The following GRIK2 variants were observed in gnomAD, a reference collection of about 807,000 sequenced individuals.
The protein encoded by GRIK2 is glutamate receptor ionotropic, kainate 2.
GRIK2 carries 32 observed loss-of-function variants against 100.3 expected under a neutral mutation model. The observed-to-expected ratio is 0.32, with a 90% confidence interval of 0.24 to 0.43. The LOEUF (loss-of-function observed/expected upper bound fraction) is 0.43, where lower values mean the gene tolerates loss of function less well. Ranked by LOEUF, GRIK2 falls within the 20% of genes least tolerant of loss-of-function variation. GRIK2 has a pLI of 1.00. For synonymous variants in GRIK2, 417 were observed against 389.4 expected (o/e 1.07, Z -0.83); for missense variants, 843 against 1,114.9 (o/e 0.76, Z 3.47).
At chr6:101,420,457 T>C (rs1316582956) in intron 2 of GRIK2, among the ~76,000 whole-genome samples, 1 of 152,226 alleles carries the variant, frequency 6.6e-6, no homozygotes, top group Non-Finnish European at 1.5e-5. Context: ...GGTCATTTCA[T>C]GTGGCTTAAC....
intron 7 of GRIK2, among the ~76,000 whole-genome samples, chr6:101,756,084 T>C (rs2128387235): frequency 6.6e-6 from 1 of 152,314 alleles, no homozygotes; most frequent in Admixed American, 6.5e-5. Flanking sequence ...TGTTGTTTAA[T>C]AACATCTGAA....
chr6:101,751,016 T>G (rs1776753438), intron 7 of GRIK2, among the ~76,000 whole-genome samples: 1 of 152,228 alleles, frequency 6.6e-6, no homozygotes, highest in Non-Finnish European at 1.5e-5. Context: ...AGCAAAACAT[T>G]GAGACCCTCT....
chr6:101,639,625 T>TACATACAC (rs1346401291), intron 4 of GRIK2, among the ~76,000 whole-genome samples: 2 of 152,050 alleles, frequency 1.3e-5, no homozygotes, highest in East Asian at 1.9e-4. Flanking sequence ...CATACATACA[T>TACATACAC]ACACACAGTT....
At chr6:101,768,752 G>A (rs1778196767) in intron 7 of GRIK2, among the ~76,000 whole-genome samples, 1 of 152,112 alleles carries the variant, frequency 6.6e-6, no homozygotes, top group Non-Finnish European at 1.5e-5. Flanking sequence ...AATAGCCTGG[G>A]TTTAGATTTT....
chr6:101,708,657 A>G (rs540071932), intron 7 of GRIK2, among the ~76,000 whole-genome samples: 4 of 151,790 alleles, frequency 2.6e-5, no homozygotes, highest in Non-Finnish European at 5.9e-5. Context: ...CTGTTTTTAT[A>G]TATATGAATC....
intron 2 of GRIK2, among the ~76,000 whole-genome samples, chr6:101,435,386 ATTT>A (rs367634710): frequency 4.0e-4 from 57 of 140,912 alleles, no homozygotes; most frequent in Middle Eastern, 3.8e-3. Context: ...GCACACGGTG[ATTT>A]TTTTTTTTTT....
intron 14 of GRIK2, among the ~76,000 whole-genome samples, chr6:102,021,647 C>T (rs1769428382): frequency 6.6e-6 from 1 of 151,050 alleles, no homozygotes; most frequent in African/African-American, 2.4e-5. Flanking sequence ...TTTTCAGACT[C>T]GTATATTATA....
chr6:101,932,959 A>G (rs1055827409), intron 14 of GRIK2, among the ~76,000 whole-genome samples: 2 of 151,930 alleles, frequency 1.3e-5, no homozygotes, highest in African/African-American at 4.8e-5. Context: ...TTAACCTTTA[A>G]ATGTGTCTAA....
intron 2 of GRIK2, among the ~76,000 whole-genome samples, chr6:101,577,111 A>G (rs1340899639): frequency 1.3e-5 from 2 of 151,662 alleles, no homozygotes; most frequent in African/African-American, 2.4e-5. Context: ...TAATGATTAG[A>G]TTTTGTTTGC....
At chr6:101,760,700 A>T (rs1320078972) in intron 7 of GRIK2, among the ~76,000 whole-genome samples, 6 of 114,786 alleles carry the variant, frequency 5.2e-5, no homozygotes, top group African/African-American at 1.4e-4. Context: ...ATAATTATAT[A>T]TAATTATATA....
chr6:101,994,616 T>C (rs1794553968), intron 14 of GRIK2, among the ~76,000 whole-genome samples: 1 of 151,800 alleles, frequency 6.6e-6, no homozygotes. Flanking sequence ...TTGTCTAAGA[T>C]AGATAAAGGG....
chr6:101,582,009 A>T (rs1778124037), intron 2 of GRIK2, among the ~76,000 whole-genome samples: 1 of 152,012 alleles, frequency 6.6e-6, no homozygotes, highest in Non-Finnish European at 1.5e-5. Context: ...CTTTTCCCCC[A>T]TACTGTCCTT....
intron 15 of GRIK2, among the ~76,000 whole-genome samples, chr6:102,052,627 A>G (rs1438796711): frequency 6.6e-6 from 1 of 152,212 alleles, no homozygotes. Context: ...CAGTTGGTGC[A>G]TATAGTGAGT....
At chr6:102,060,890 T>C (rs952226578) in intron 16 of GRIK2, among the ~76,000 whole-genome samples, 2 of 150,634 alleles carry the variant, frequency 1.3e-5, no homozygotes, top group Admixed American at 1.3e-4. Context: ...TTGATTCTTG[T>C]CAGACCTTAT....
intron 2 of GRIK2, among the ~76,000 whole-genome samples, chr6:101,583,603 A>G (rs559947124): frequency 1.3e-5 from 2 of 152,118 alleles, no homozygotes; most frequent in Non-Finnish European, 1.5e-5. Flanking sequence ...CTAAGGCCCT[A>G]TATAGTGATG....
chr6:101,709,151 C>T (rs1773537044), intron 7 of GRIK2, among the ~76,000 whole-genome samples: 1 of 151,746 alleles, frequency 6.6e-6, no homozygotes, highest in Admixed American at 6.6e-5. Flanking sequence ...ACAGGGAGAA[C>T]ACAAGGTAAA....
At chr6:101,735,544 G>A (rs1052993737) in intron 7 of GRIK2, among the ~76,000 whole-genome samples, 1 of 152,178 alleles carries the variant, frequency 6.6e-6, no homozygotes, top group Non-Finnish European at 1.5e-5. Context: ...ATGGCAGCAG[G>A]CAGAGAGAGA....
chr6:101,572,759 T>C (rs1777599907), intron 2 of GRIK2, among the ~76,000 whole-genome samples: 2 of 149,604 alleles, frequency 1.3e-5, no homozygotes, highest in Non-Finnish European at 1.5e-5. Flanking sequence ...TTTCTTTTTT[T>C]TTTTTTTTTT....
intron 7 of GRIK2, among the ~76,000 whole-genome samples, chr6:101,689,561 A>C (rs189623060): frequency 6.6e-6 from 1 of 152,274 alleles, no homozygotes; most frequent in Non-Finnish European, 1.5e-5. Flanking sequence ...CTTTCTCTGC[A>C]GTCTAGGGTC....
Sources: gnomAD v4.1 joint callset for allele counts (sites outside exome capture counted in the v4.1 genomes callset) on GRCh38, gnomAD v4.1.1 for gene constraint, MANE v1.5 for transcripts, NCBI Gene and HGNC (gene_info 2026-07-23, HGNC 2026-07-21) for gene names.